The following PACS1 variants were observed in gnomAD, a reference collection of about 807,000 sequenced individuals.
PACS1 encodes the protein PACS-1.
A neutral mutation model predicts 115.0 loss-of-function variants in PACS1; 24 were observed. The ratio of observed to expected loss-of-function variants is 0.21; its 90% CI spans 0.15 to 0.29. The LOEUF (loss-of-function observed/expected upper bound fraction) is 0.29. Among genes scored for constraint, PACS1 ranks in the 10% least tolerant of loss-of-function variants. The pLI is 1.00. For synonymous variants in PACS1, 453 were observed against 504.5 expected (o/e 0.90, Z 1.37); for missense variants, 838 against 1,251.2 (o/e 0.67, Z 4.98).
chr11:66,173,891 A>G (rs1859793630), intron 1 of PACS1, among the ~76,000 whole-genome samples: 1 of 152,016 alleles, frequency 6.6e-6, no homozygotes, highest in Admixed American at 6.6e-5. Flanking sequence ...TGTCTCTACT[A>G]AAAATACAAA....
chr11:66,240,627 C>T (rs1234402876), intron 21 of PACS1, among the ~76,000 whole-genome samples: 1 of 152,034 alleles, frequency 6.6e-6, no homozygotes, highest in Non-Finnish European at 1.5e-5. Context: ...GAAGTACCCA[C>T]GCAGCCAAGT....
intron 1 of PACS1, among the ~76,000 whole-genome samples, chr11:66,120,381 G>A (rs1858411380): frequency 6.6e-6 from 1 of 152,142 alleles, no homozygotes; most frequent in Non-Finnish European, 1.5e-5. Flanking sequence ...ACAGGCGTGA[G>A]CCACTGGACC....
chr11:66,222,302 A>G (rs1855368752), intron 10 of PACS1, among the ~76,000 whole-genome samples: 1 of 152,108 alleles, frequency 6.6e-6, no homozygotes, highest in African/African-American at 2.4e-5. Flanking sequence ...GAATCCATAG[A>G]GGGGAGCAGT....
At position 66,235,686 on chromosome 11, in the gene PACS1, C is replaced by G. The variant is rs1168429703; in HGVS notation, c.2208-212C>G. Among the ~76,000 whole-genome samples, 1 of 152,168 alleles carries G rather than the reference C, an allele frequency of 6.6e-6. No homozygotes were observed. The highest frequency in any genetic ancestry group is 1.5e-5 in the Non-Finnish European group (1 of 68,028). On this transcript the variant is annotated intron_variant, in intron 18 of 23. Coordinates refer to ENST00000320580, the MANE Select transcript of PACS1 (RefSeq NM_018026.4). This position sits in a 1 kb window ranked among gnomAD's most constrained non-coding sequence, Gnocchi z 5.6. ...CAGACGTGGGAAGCAGGGAGCGTAG[C>G]TTGCATGATCAGGTCATTTGCCCTC...
At chr11:66,206,482 T>C (rs1266304054) in intron 2 of PACS1, among the ~76,000 whole-genome samples, 1 of 152,148 alleles carries the variant, frequency 6.6e-6, no homozygotes, top group East Asian at 1.9e-4. Flanking sequence ...TGCGATCCCG[T>C]GACACACTGC....
chr11:66,121,323 C>T (rs759178902), intron 1 of PACS1, among the ~76,000 whole-genome samples: 6 of 152,168 alleles, frequency 3.9e-5, no homozygotes, highest in Admixed American at 6.5e-5. Context: ...CTCTCTTCCT[C>T]TCCTCAGGCC....
chr11:66,164,585 TGTATTATATA>T (rs1859557556), intron 1 of PACS1, among the ~76,000 whole-genome samples: 1 of 145,820 alleles, frequency 6.9e-6, no homozygotes, highest in African/African-American at 2.5e-5. Flanking sequence ...ATTTTATATA[TGTATTATATA>T]ATATATAATA....
At chr11:66,089,706 C>A (rs1857625823) in intron 1 of PACS1, among the ~76,000 whole-genome samples, 1 of 152,068 alleles carries the variant, frequency 6.6e-6, no homozygotes, top group Non-Finnish European at 1.5e-5. Flanking sequence ...TCTCAGAGCA[C>A]CATAGAAATG....
At chr11:66,199,999 A>G (rs28827860) in intron 2 of PACS1, among the ~76,000 whole-genome samples, 1 of 149,696 alleles carries the variant, frequency 6.7e-6, no homozygotes, top group Admixed American at 6.8e-5. Context: ...AACCCAGGCA[A>G]CTGTGCGAGA....
Position 66,118,373 on chromosome 11 carries a change from A to T in PACS1, c.356+47531A>T, listed in dbSNP as rs568762172. On this transcript the variant is annotated intron_variant, in intron 1 of 23. Transcript: ENST00000320580. Reference sequence around the variant, plus strand: ...ATGCCTATAATCCGGGCACTTTGGGAGGCTGAGGCAGTAGGATTGCTTGAG... The same window carrying T: ...ATGCCTATAATCCGGGCACTTTGGGTGGCTGAGGCAGTAGGATTGCTTGAG... 2.6e-5 allele frequency among the ~76,000 whole-genome samples: 4 copies of T among 152,280 alleles called. No homozygotes were observed. The South Asian group carries it at 8.3e-4, about 32-fold the overall frequency.
intron 1 of PACS1, among the ~76,000 whole-genome samples, chr11:66,096,209 CTTTTTT>C (rs66569530): frequency 1.7e-5 from 2 of 119,516 alleles, no homozygotes; most frequent in African/African-American, 7.2e-5. Context: ...CTTTTTCTTT[CTTTTTT>C]TTTTTTTTTT....
At position 66,137,316 on chromosome 11, in the gene PACS1, A is replaced by C. The variant is rs184705251; in HGVS notation, c.357-56170A>C. 5.9e-5 allele frequency among the ~76,000 whole-genome samples: 9 copies of C among 152,180 alleles called. No individual in the cohort carries two copies. In the East Asian group the frequency reaches 1.7e-3, roughly 29 times the overall value. ...TTATGCATCTAGAATTTATTTTAAG[A>C]TAAGATGTGAGGTAGGGGTTCAAAT... is the stretch of plus-strand genomic sequence containing the variant. On this transcript the variant is annotated intron_variant, in intron 1 of 23. Coordinates refer to ENST00000320580, the MANE Select transcript of PACS1 (RefSeq NM_018026.4).
intron 7 of PACS1, chr11:66,217,892 C>T (rs1381922238): frequency 7.5e-6 from 2 of 266,014 alleles, no homozygotes; most frequent in African/African-American, 4.6e-5. Context: ...AACGGGTGCC[C>T]CCAGAGCTTC....
intron 4 of PACS1, 64 bp downstream of exon 4, chr11:66,211,323 C>A (rs1298066048): frequency 6.4e-7 from 1 of 1,559,788 alleles, no homozygotes; most frequent in South Asian, 1.2e-5. Context: ...GACACCCCAG[C>A]CCAGCCAGTT....
At chr11:66,133,797 G>A (rs1299411504) in intron 1 of PACS1, among the ~76,000 whole-genome samples, 3 of 152,096 alleles carry the variant, frequency 2.0e-5, no homozygotes, top group Non-Finnish European at 2.9e-5. Flanking sequence ...GAGCCACTGC[G>A]CCCAGCCAGA....
intron 21 of PACS1, among the ~76,000 whole-genome samples, chr11:66,239,936 G>A (rs867748797): frequency 2.0e-5 from 3 of 152,242 alleles, no homozygotes; most frequent in Non-Finnish European, 2.9e-5. Context: ...CCGGAGGATC[G>A]CTTGAGCCCA....
chr11:66,244,692 G>A lies in PACS1; in HGVS notation c.*1412G>A, dbSNP rs1159045036. The stretch of plus-strand genomic sequence containing the variant: ...AGAGAGAGGAGATGGGGGTGGGAGG[G>A]ACTGAGTTGATGTTGGGTTTTTCAT... On this transcript the variant is annotated 3_prime_UTR_variant, in exon 24 of 24. Coordinates refer to ENST00000320580, the MANE Select transcript of PACS1 (RefSeq NM_018026.4). 6.6e-6 allele frequency: 1 copy of A among 152,320 alleles called. No individual in the cohort carries two copies. The highest frequency in any genetic ancestry group is 2.4e-5 in the African/African-American group (1 of 41,450). 9.4% of individuals were successfully genotyped at this position (152,320 alleles called of 1,614,324 possible). A position where few individuals can be genotyped will look rare whatever the true frequency, so the allele number is the denominator to read the frequency against.
intron 10 of PACS1, among the ~76,000 whole-genome samples, chr11:66,221,799 G>A (rs563884810): frequency 2.0e-5 from 3 of 152,192 alleles, no homozygotes; most frequent in South Asian, 2.1e-4. Context: ...ATGGCCCAGC[G>A]CCTTCCCTCT....
chr11:66,118,457 A>G (rs1409319582), intron 1 of PACS1, among the ~76,000 whole-genome samples: 2 of 152,058 alleles, frequency 1.3e-5, no homozygotes, highest in Admixed American at 1.3e-4. Flanking sequence ...GCAAAAAATG[A>G]AAATATCAGC....
Sources: gnomAD v4.1 joint callset for allele counts (sites outside exome capture counted in the v4.1 genomes callset) on GRCh38, gnomAD v4.1.1 for gene constraint, Gnocchi (gnomAD v3.1) non-coding constraint, MANE v1.5 for transcripts, NCBI Gene and HGNC (gene_info 2026-07-23, HGNC 2026-07-21) for gene names.